PTPRK: variants seen among roughly 807,000 people sequenced by gnomAD.
PTPRK encodes the protein protein tyrosine phosphatase receptor type K, also known as receptor-type tyrosine-protein phosphatase kappa.
Under a neutral mutation model 178.0 loss-of-function variants are expected in PTPRK, and 75 were observed. The ratio of observed to expected loss-of-function variants is 0.42; its 90% CI spans 0.35 to 0.51. The LOEUF is 0.51. Ranked by LOEUF, PTPRK falls within the 20% of genes least tolerant of loss-of-function variation. PTPRK has a pLI of 0.02. For synonymous variants in PTPRK, 637 were observed against 620.6 expected, an observed-to-expected ratio of 1.03 and a Z score of -0.39; for missense variants, 1,441 against 1,797.8, an observed-to-expected ratio of 0.80 and a Z score of 3.59.
rs550266354 is a variant in PTPRK, at chr6:128,065,190, T to A, written c.2158-396A>T. On this transcript the variant is annotated intron_variant, in intron 12 of 29. Coordinates refer to ENST00000368226, the MANE Select transcript of PTPRK (RefSeq NM_002844.4). ...GAGAACTGTAGACTGAGACCAAAGC[T>A]GAACATTACATACTTTCATCTGGAT... is the stretch of plus-strand genomic sequence containing the variant. Among the ~76,000 whole-genome samples, 3 of 152,282 alleles carry A rather than the reference T, an allele frequency of 2.0e-5. No homozygotes were observed. In the East Asian group the frequency reaches 5.8e-4, roughly 29 times the overall value.
chr6:128,482,145 C>G (rs1198944283), intron 1 of PTPRK, among the ~76,000 whole-genome samples: 1 of 152,070 alleles, frequency 6.6e-6, no homozygotes, highest in Non-Finnish European at 1.5e-5. Flanking sequence ...TTGACTCTGC[C>G]GGCCCTAATG....
intron 3 of PTPRK, among the ~76,000 whole-genome samples, chr6:128,306,526 T>C (rs1364494802): frequency 4.6e-5 from 7 of 152,130 alleles, no homozygotes; most frequent in African/African-American, 1.4e-4. Flanking sequence ...CAAGGTATGG[T>C]GGCTCATGCA....
intron 5 of PTPRK, among the ~76,000 whole-genome samples, chr6:128,223,928 G>A (rs1333756812): frequency 1.3e-5 from 2 of 152,124 alleles, no homozygotes; most frequent in African/African-American, 4.8e-5. Flanking sequence ...TAGTATTGAG[G>A]TTTAATCAAG....
chr6:128,285,865 T>C (rs953926624), intron 3 of PTPRK, among the ~76,000 whole-genome samples: 2 of 152,006 alleles, frequency 1.3e-5, no homozygotes, highest in African/African-American at 4.8e-5. Context: ...AAGTTAGAAA[T>C]ATTGAGGTCA....
At chr6:128,495,127 A>G (rs1015106258) in intron 1 of PTPRK, among the ~76,000 whole-genome samples, 2 of 152,154 alleles carry the variant, frequency 1.3e-5, no homozygotes, top group African/African-American at 4.8e-5. Context: ...GTGTGTATCT[A>G]TCCATTCATA....
At chr6:128,398,047 T>C (rs997359187) in intron 1 of PTPRK, among the ~76,000 whole-genome samples, 3 of 152,098 alleles carry the variant, frequency 2.0e-5, no homozygotes, top group African/African-American at 7.2e-5. Context: ...GAACAAAGAA[T>C]TGGACAAAAT....
At chr6:128,517,951 A>G (rs541273122) in intron 1 of PTPRK, among the ~76,000 whole-genome samples, 1 of 152,226 alleles carries the variant, frequency 6.6e-6, no homozygotes, top group Non-Finnish European at 1.5e-5. Context: ...AATCTTCAAT[A>G]CATCTCTAAT....
At chr6:128,056,246 A>G (rs1779871412) in intron 13 of PTPRK, among the ~76,000 whole-genome samples, 1 of 151,918 alleles carries the variant, frequency 6.6e-6, no homozygotes, top group African/African-American at 2.4e-5. Flanking sequence ...GTCAATGAGA[A>G]GGGCCTAAGG....
At chr6:128,109,910 G>T (rs767874171) in intron 7 of PTPRK, among the ~76,000 whole-genome samples, 10 of 151,876 alleles carry the variant, frequency 6.6e-5, no homozygotes, top group Admixed American at 3.3e-4. Flanking sequence ...TACTTTTTTG[G>T]GGGGGGAGGA....
intron 13 of PTPRK, among the ~76,000 whole-genome samples, chr6:128,015,703 C>G (rs546389721): frequency 2.0e-5 from 3 of 151,730 alleles, no homozygotes; most frequent in Non-Finnish European, 4.4e-5. Context: ...TTCATATACT[C>G]TTATCATTAA....
At chr6:128,301,512 G>A (rs963296802) in intron 3 of PTPRK, among the ~76,000 whole-genome samples, 16 of 151,682 alleles carry the variant, frequency 1.1e-4, no homozygotes, top group Middle Eastern at 3.2e-3. Context: ...TATTAGTTAC[G>A]ATAATAATAA....
chr6:128,188,669 G>A (rs1166803821), intron 6 of PTPRK, among the ~76,000 whole-genome samples: 1 of 152,150 alleles, frequency 6.6e-6, no homozygotes, highest in Non-Finnish European at 1.5e-5. Context: ...TTCTCTCCAA[G>A]TCCTGGAAGC....
chr6:128,291,762 A>T (rs1295923635), intron 3 of PTPRK, among the ~76,000 whole-genome samples: 1 of 152,102 alleles, frequency 6.6e-6, no homozygotes, highest in Non-Finnish European at 1.5e-5. Context: ...TTTGTTTGGC[A>T]TGGTGTTTTA....
intron 3 of PTPRK, among the ~76,000 whole-genome samples, chr6:128,269,803 A>G (rs1819518122): frequency 6.6e-6 from 1 of 152,130 alleles, no homozygotes; most frequent in Non-Finnish European, 1.5e-5. Context: ...ATGAAAGTTG[A>G]GTCAATTCCA....
intron 6 of PTPRK, among the ~76,000 whole-genome samples, chr6:128,215,958 T>C (rs1809204666): frequency 6.6e-6 from 1 of 151,844 alleles, no homozygotes. Context: ...CCCGAGAGTA[T>C]GTTTTTGGTT....
intron 2 of PTPRK, among the ~76,000 whole-genome samples, chr6:128,388,307 A>C (rs1382818641): frequency 6.6e-6 from 1 of 152,192 alleles, no homozygotes; most frequent in Non-Finnish European, 1.5e-5. Context: ...TAGATTTTAG[A>C]CCTTTAAAGA....
chr6:128,014,515 G>C (rs1247288218), intron 13 of PTPRK, among the ~76,000 whole-genome samples: 1 of 151,582 alleles, frequency 6.6e-6, no homozygotes, highest in African/African-American at 2.4e-5. Context: ...TAACATAATG[G>C]TGTGAAAGGT....
At chr6:128,269,189 A>G (rs1009699938) in intron 3 of PTPRK, among the ~76,000 whole-genome samples, 1 of 152,128 alleles carries the variant, frequency 6.6e-6, no homozygotes, top group Non-Finnish European at 1.5e-5. Flanking sequence ...TTTATGCCCA[A>G]TACTGTGCAA....
chr6:128,468,858 C>G (rs1017074955), intron 1 of PTPRK, among the ~76,000 whole-genome samples: 3 of 146,304 alleles, frequency 2.1e-5, no homozygotes, highest in African/African-American at 7.7e-5. Context: ...CCTAAAATCT[C>G]TGTACGAAAT....
Sources: gnomAD v4.1 joint callset for allele counts (sites outside exome capture counted in the v4.1 genomes callset) on GRCh38, gnomAD v4.1.1 for gene constraint, MANE v1.5 for transcripts, NCBI Gene and HGNC (gene_info 2026-07-23, HGNC 2026-07-21) for gene names.